Variants in PRKAG1 observed in about 807,000 individuals in gnomAD.
PRKAG1 encodes the protein 5'-AMP-activated protein kinase subunit gamma-1.
In PRKAG1, 27 loss-of-function variants were observed where a neutral mutation model predicts 48.2. The ratio of observed to expected loss-of-function variants is 0.56; its 90% CI spans 0.41 to 0.77. PRKAG1 has a LOEUF of 0.77. Ranked by LOEUF, PRKAG1 falls within the 30% of genes least tolerant of loss-of-function variation. The pLI is 0.00. For missense variants in PRKAG1, 287 were observed against 398.3 expected (o/e 0.72, Z 2.38); for synonymous variants, 130 against 147.7 (o/e 0.88, Z 0.87).
rs775915312 is a variant in PRKAG1, at chr12:49,002,959, A to G, written c.936T>C (p.Ile312=). ...VVDENDVVKG[I]VSLSDILQAL... ...CCTGCAGGATGTCAGACAGTGATAC[A>G]ATTCCCTTGACCACATCATTTTCAT... The change falls in exon 12 of 12, where the codon ATT becomes ATC. Residue 312 remains isoleucine (I), a synonymous_variant. Transcript: ENST00000548065. 1 of 1,614,226 alleles carries G rather than the reference A, an allele frequency of 6.2e-7. No homozygotes were observed. The highest frequency in any genetic ancestry group is 8.5e-7 in the Non-Finnish European group (1 of 1,180,042).
Position 49,002,740 on chromosome 12 carries a change from C to T in PRKAG1, c.*159G>A, listed in dbSNP as rs1394370475. On this transcript the variant is annotated 3_prime_UTR_variant, in exon 12 of 12. Transcript: ENST00000548065. ...GGGTAGCTATAAATCCATTCTCTTTCCTCCCCCATACCTTCCCTAGCTCCC... is the reference window on the plus strand; with the variant it reads ...GGGTAGCTATAAATCCATTCTCTTTTCTCCCCCATACCTTCCCTAGCTCCC... The T allele has an allele frequency of 1.3e-5, 10 of 756,876 alleles. No individual in the cohort carries two copies. Among genetic ancestry groups the T allele is most frequent in the African/African-American group, 1.0e-4 (6 of 58,150 alleles). The allele number at this position is 756,876 out of a possible 1,614,324, so 46.9% of individuals were successfully genotyped here. A position where few individuals can be genotyped will look rare whatever the true frequency, so the allele number is the denominator to read the frequency against.
In PRKAG1 at chr12:49,005,107, A is replaced by G. The variant is rs1941481983; in HGVS notation, c.355+13T>C. On this transcript the variant is annotated intron_variant, in intron 6 of 11. Coordinates refer to ENST00000548065, the MANE Select transcript of PRKAG1 (RefSeq NM_002733.5). This position sits in a 1 kb window ranked among gnomAD's most constrained non-coding sequence, Gnocchi z 4.1. ...ATCCCTTTATCCTTTTATAACCCCA[A>G]TTCTCTACATACCTCTCCAAGTTTC... 1 of 1,613,828 alleles carries G rather than the reference A, an allele frequency of 6.2e-7. No individual in the cohort carries two copies. Among genetic ancestry groups the G allele is most frequent in the Non-Finnish European group, 8.5e-7 (1 of 1,179,848 alleles).
At chr12:49,012,924 C>A in intron 2 of PRKAG1, 138 bp downstream of exon 2, 1 of 795,816 alleles carries the variant, frequency 1.3e-6, no homozygotes, top group Non-Finnish European at 2.1e-6. Context: ...AAACTACTGT[C>A]ACTGATTTTT....
At chr12:49,016,787 G>A in intron 1 of PRKAG1, 1 of 200,872 alleles carries the variant, frequency 5.0e-6, no homozygotes, top group Non-Finnish European at 1.0e-5. Flanking sequence ...AAGCTGCTAT[G>A]AACATTCCTA....
chr12:49,013,686 G>A (rs56833686), intron 1 of PRKAG1, among the ~76,000 whole-genome samples: 2,501 of 152,242 alleles, frequency 0.016, 68 homozygotes, highest in African/African-American at 0.057. Context: ...TGGCTGATAA[G>A]GGGTGGAGTA....
rs1941521772 is a variant in PRKAG1 at position 49,005,989 on chromosome 12, C to T, written c.59-137G>A. 3.0e-6 allele frequency: 2 copies of T among 657,452 alleles called. No homozygotes were observed. Among genetic ancestry groups the T allele is most frequent in the Admixed American group, 6.7e-5 (2 of 30,020 alleles). 40.7% of individuals were successfully genotyped at this position (657,452 alleles called of 1,614,324 possible). ...TAATAAGACCCCTTATTTTATCTGT[C>T]TTGTTCCTATTGTTTCCACAAAACC... On this transcript the variant is annotated intron_variant, in intron 2 of 11. Transcript: ENST00000548065. This position sits in a 1 kb window ranked among gnomAD's most constrained non-coding sequence, Gnocchi z 4.1.
In PRKAG1 at chr12:49,004,442, T is replaced by TTCAA. The variant is rs371341505; in HGVS notation, c.537+61_537+64dup. 4.1e-4 allele frequency: 648 copies of TTCAA among 1,580,638 alleles called. 8 individuals carry two copies. The South Asian group carries it at 4.5e-3, about 11-fold the overall frequency. On this transcript the variant is annotated intron_variant, in intron 8 of 11. Coordinates refer to ENST00000548065, the MANE Select transcript of PRKAG1 (RefSeq NM_002733.5). ...AACACAGTGAGACCTCGTCTCTCTTTTCAATCAATCAATCAATCAATCAAT... is the reference window on the plus strand; with the variant it reads ...AACACAGTGAGACCTCGTCTCTCTTTTCAATCAATCAATCAATCAATCAATCAAT...
At position 49,004,639 on chromosome 12, in the gene PRKAG1, A is replaced by T. The variant is rs1160598803; in HGVS notation, c.411-6T>A. The T allele has an allele frequency of 6.2e-7, 1 of 1,614,026 alleles. No homozygotes were observed. The highest frequency in any genetic ancestry group is 2.2e-5 in the East Asian group (1 of 44,884). On this transcript the variant is annotated splice_polypyrimidine_tract_variant and splice_region_variant and intron_variant, in intron 7 of 11. Coordinates refer to ENST00000548065, the MANE Select transcript of PRKAG1 (RefSeq NM_002733.5). ...AAGAGACAGCATCAAACAAGCTGTG[A>T]GAGGGTGGGAGATAATAAGTTCCAC...
At chr12:49,018,679 G>A (rs114080667) in intron 1 of PRKAG1, 53 bp downstream of exon 1, 3 of 1,613,512 alleles carry the variant, frequency 1.9e-6, no homozygotes, top group Admixed American at 3.3e-5. Context: ...CTAAGGGTTG[G>A]GGGGGTGTCT....
intron 1 of PRKAG1, 121 bp downstream of exon 1, chr12:49,018,611 C>T (rs1942107123): frequency 6.3e-7 from 1 of 1,578,390 alleles, no homozygotes; most frequent in Non-Finnish European, 8.6e-7. Flanking sequence ...GGCAGACACC[C>T]GGCTGCTTTT....
chr12:49,011,719 A>G (rs1038082273), intron 2 of PRKAG1, among the ~76,000 whole-genome samples: 3 of 147,942 alleles, frequency 2.0e-5, no homozygotes, highest in Admixed American at 2.0e-4. Context: ...CCCACCATCA[A>G]GCCCAGCTAA....
At chr12:49,017,208 C>CTT in intron 1 of PRKAG1, 1 of 449,210 alleles carries the variant, frequency 2.2e-6, no homozygotes, top group East Asian at 7.1e-5. Flanking sequence ...TCTTTCTTTT[C>CTT]TTTTTTTTTG....
chr12:49,004,812 ACTGTGTGT>A (rs1345338077), intron 7 of PRKAG1, 144 bp downstream of exon 7: 60 of 962,176 alleles, frequency 6.2e-5, no homozygotes, highest in Admixed American at 1.7e-4. Flanking sequence ...AGAGAGAGAG[ACTGTGTGT>A]GTGTGTGTGT....
At position 49,004,552 on chromosome 12, in the gene PRKAG1, C is replaced by G. The variant is rs1347267156; in HGVS notation, c.492G>C (p.Leu164Phe). 6.2e-7 allele frequency: 1 copy of G among 1,613,982 alleles called. No individual in the cohort carries two copies. The highest frequency in any genetic ancestry group is 1.3e-5 in the African/African-American group (1 of 74,896). The change falls in exon 8 of 12, where the codon TTG (leucine) becomes TTC (phenylalanine). Residue 164 changes from leucine (L) to phenylalanine (F), a missense_variant. Physicochemically the swap from Leu to Phe is conservative, Grantham distance 22. Transcript: ENST00000548065. ...PVIDPESGNT[L>F]YILTHKRILK... ...GAATGCGCTTGTGGGTGAGGATGTA[C>G]AAAGTATTGCCTGATTCTGGGTCAA...
intron 1 of PRKAG1, among the ~76,000 whole-genome samples, chr12:49,015,115 A>T (rs1034342194): frequency 2.0e-5 from 3 of 152,240 alleles, no homozygotes; most frequent in African/African-American, 7.2e-5. Flanking sequence ...ACTGGACTGC[A>T]TAAGACTGTC....
chr12:49,004,919 CA>C, intron 7 of PRKAG1, 44 bp downstream of exon 7: 1 of 1,598,210 alleles, frequency 6.3e-7, no homozygotes, highest in Non-Finnish European at 8.6e-7. Flanking sequence ...AGGCTGATGA[CA>C]AAATCTCTTC....
chr12:49,005,770 T>C lies in PRKAG1; in HGVS notation c.141A>G (p.Lys47=). 6.2e-7 allele frequency: 1 copy of C among 1,614,006 alleles called. No individual in the cohort carries two copies. Among genetic ancestry groups the C allele is most frequent in the Non-Finnish European group, 8.5e-7 (1 of 1,179,936 alleles). The part of the protein sequence containing the change: ...RCYDLIPTSS[K]LVVFDTSLQV... ...GCAGGGACGTATCAAATACAACCAATTTGGAGCTTGTGGGAATCAGGTCAT... is the reference window on the plus strand; with the variant it reads ...GCAGGGACGTATCAAATACAACCAACTTGGAGCTTGTGGGAATCAGGTCAT... Residue 47 remains lysine (K), a synonymous_variant, in exon 3 of 12, where the codon AAA becomes AAG. Transcript: ENST00000548065. This position sits in a 1 kb window ranked among gnomAD's most constrained non-coding sequence, Gnocchi z 4.1.
intron 2 of PRKAG1, among the ~76,000 whole-genome samples, chr12:49,012,079 A>C (rs1029163486): frequency 1.3e-5 from 2 of 152,142 alleles, no homozygotes; most frequent in African/African-American, 4.8e-5. Flanking sequence ...CTGGTCTTCA[A>C]CTTCTGACCT....
Position 49,004,628 on chromosome 12 carries a change from A to C in PRKAG1, c.416T>G (p.Phe139Cys). The C allele has an allele frequency of 6.2e-7, 1 of 1,614,148 alleles. No homozygotes were observed. The highest frequency in any genetic ancestry group is 8.5e-7 in the Non-Finnish European group (1 of 1,180,008). ...CCGAATTAATGAAGAGACAGCATCA[A>C]ACAAGCTGTGAGAGGGTGGGAGATA... ...LVCISPNASLFDAVSSLIRNK... is the reference protein window; with the variant it reads ...LVCISPNASLCDAVSSLIRNK... The change falls in exon 8 of 12, where the codon TTT (phenylalanine) becomes TGT (cysteine). Residue 139 changes from phenylalanine to cysteine, a missense_variant. Around this residue, in one of 2 missense-constraint regions of PRKAG1, gnomAD observed 224 missense variants for 344.3 expected, o/e 0.65. Transcript: ENST00000548065.
Sources: allele counts gnomAD v4.1 joint callset (sites outside exome capture counted in the v4.1 genomes callset), GRCh38; gene constraint gnomAD v4.1.1; regional missense constraint gnomAD v4.1.1; non-coding constraint Gnocchi (gnomAD v3.1); transcripts MANE v1.5; gene names NCBI Gene and HGNC (gene_info 2026-07-23, HGNC 2026-07-21).